The following ABHD17C variants were observed in gnomAD, a reference collection of about 807,000 sequenced individuals.
ABHD17C encodes abhydrolase domain containing 17C, depalmitoylase.
In ABHD17C, 11 loss-of-function variants were observed where a neutral mutation model predicts 27.9. The observed-to-expected ratio is 0.39, with a 90% confidence interval of 0.25 to 0.65. ABHD17C has a LOEUF of 0.65. ABHD17C is among the 30% of genes least tolerant of loss of function. The pLI is 0.45. For missense variants in ABHD17C, 280 were observed against 470.2 expected (o/e 0.60, Z 3.74); for synonymous variants, 233 against 209.1 (o/e 1.11, Z -0.98).
intron 1 of ABHD17C, chr15:80,704,559 T>TA (rs1894616640): frequency 6.9e-6 from 1 of 145,058 alleles, no homozygotes; most frequent in Admixed American, 6.9e-5. Flanking sequence ...AATAAATACA[T>TA]ACGGCAAAAA....
chr15:80,695,507 G>C lies in ABHD17C; in HGVS notation c.78G>C (p.Pro26=), dbSNP rs1334892155. The C allele has an allele frequency of 7.2e-7, 1 of 1,383,998 alleles. No homozygotes were observed. Among genetic ancestry groups the C allele is most frequent in the African/African-American group, 1.5e-5 (1 of 65,202 alleles). The allele number at this position is 1,383,998 out of a possible 1,614,324, so 85.7% of individuals were successfully genotyped here. ...GGCTCTTCTGCTGCCCGCCCTGCCC[G>C]AGCCGCATCGCCGCCAAGCTGGCCT... ...LCWLFCCPPC[P]SRIAAKLAFL... is the part of the protein sequence containing the mutation. The change falls in exon 1 of 3, where the codon CCG becomes CCC. Residue 26 remains proline, a synonymous_variant. Coordinates refer to ENST00000258884, the MANE Select transcript of ABHD17C (RefSeq NM_021214.2). The surrounding 1 kb of genome is among the most constrained non-coding windows in gnomAD (Gnocchi z 4.3).
chr15:80,709,848 G>A (rs1330470286), intron 1 of ABHD17C, among the ~76,000 whole-genome samples: 1 of 152,096 alleles, frequency 6.6e-6, no homozygotes. Context: ...ATATCCTGTT[G>A]GATCTGCCTG....
intron 1 of ABHD17C, among the ~76,000 whole-genome samples, chr15:80,744,324 C>T (rs1248729084): frequency 6.6e-6 from 1 of 152,154 alleles, no homozygotes; most frequent in Admixed American, 6.5e-5. Context: ...CATTTTGGAA[C>T]CATTGGCATA....
chr15:80,697,118 C>T (rs971483317), intron 1 of ABHD17C, among the ~76,000 whole-genome samples: 2 of 152,038 alleles, frequency 1.3e-5, no homozygotes, highest in East Asian at 1.9e-4. Flanking sequence ...TTCGTACTCA[C>T]GCATATGTTC....
At chr15:80,724,338 G>A (rs567374196) in intron 1 of ABHD17C, among the ~76,000 whole-genome samples, 13 of 151,832 alleles carry the variant, frequency 8.6e-5, no homozygotes, top group Middle Eastern at 6.8e-3. Context: ...CTCCTTCCCC[G>A]TCCCCTCCAA....
chr15:80,713,636 C>T (rs1390137325), intron 1 of ABHD17C, among the ~76,000 whole-genome samples: 6 of 151,780 alleles, frequency 4.0e-5, no homozygotes, highest in Admixed American at 1.3e-4. Context: ...AGTGAAACTC[C>T]GTCTCTACTA....
Position 80,718,401 on chromosome 15 carries a change from C to T in ABHD17C, c.590+22382C>T, listed in dbSNP as rs576929470. On this transcript the variant is annotated intron_variant, in intron 1 of 2. Transcript: ENST00000258884. ...AGGCTGGAGCACAGTAGCACAATCT[C>T]GGCTCACTGCAGCCTTTGCTTCCCG... 1.5e-3 allele frequency among the ~76,000 whole-genome samples: 226 copies of T among 152,192 alleles called. 1 individual carries two copies. Among genetic ancestry groups the T allele is most frequent in the Non-Finnish European group, 2.8e-3 (190 of 68,000 alleles).
chr15:80,707,638 C>T (rs772261568), intron 1 of ABHD17C, among the ~76,000 whole-genome samples: 2 of 151,854 alleles, frequency 1.3e-5, no homozygotes, highest in Non-Finnish European at 1.5e-5. Flanking sequence ...TGGGCCACAC[C>T]ATCCAAAGCC....
At chr15:80,719,796 C>T (rs893553308) in intron 1 of ABHD17C, among the ~76,000 whole-genome samples, 3 of 152,044 alleles carry the variant, frequency 2.0e-5, no homozygotes, top group Non-Finnish European at 4.4e-5. Flanking sequence ...TTTGTGATCA[C>T]CTTTTCTTTT....
rs572299388 is a variant in ABHD17C, at chr15:80,722,530, G to A, written c.590+26511G>A. ...CATAAACTTATCCATCACTCCAGAA[G>A]TTTTCTCTTGCCCACCCTTTTTTTT... On this transcript the variant is annotated intron_variant, in intron 1 of 2. Transcript: ENST00000258884. 5.3e-5 allele frequency among the ~76,000 whole-genome samples: 8 copies of A among 151,216 alleles called. No homozygotes were observed. The South Asian group carries it at 1.7e-3, about 32-fold the overall frequency.
intron 1 of ABHD17C, among the ~76,000 whole-genome samples, chr15:80,709,446 G>T (rs544875605): frequency 6.7e-6 from 1 of 149,952 alleles, no homozygotes; most frequent in East Asian, 2.0e-4. Context: ...CTGGGATTAC[G>T]CCACTGCACT....
At chr15:80,748,544 G>C (rs35197256) in intron 1 of ABHD17C, among the ~76,000 whole-genome samples, 1 of 151,958 alleles carries the variant, frequency 6.6e-6, no homozygotes, top group Non-Finnish European at 1.5e-5. Flanking sequence ...TTCTATGTGT[G>C]TATTAGACAT....
At chr15:80,717,497 G>T (rs760597431) in intron 1 of ABHD17C, among the ~76,000 whole-genome samples, 1 of 151,612 alleles carries the variant, frequency 6.6e-6, no homozygotes, top group Non-Finnish European at 1.5e-5. Context: ...AGTTTCAAGC[G>T]ATTCTCATGC....
intron 1 of ABHD17C, among the ~76,000 whole-genome samples, chr15:80,697,195 A>G (rs1477055545): frequency 6.6e-6 from 1 of 152,024 alleles, no homozygotes; most frequent in Non-Finnish European, 1.5e-5. Context: ...TATTTGCTCT[A>G]TGTTGCATGT....
At chr15:80,735,407 A>G (rs1895116024) in intron 1 of ABHD17C, among the ~76,000 whole-genome samples, 2 of 152,132 alleles carry the variant, frequency 1.3e-5, no homozygotes, top group Non-Finnish European at 2.9e-5. Context: ...TCTACCTGCT[A>G]CATGCATGTG....
At position 80,737,051 on chromosome 15, in the gene ABHD17C, G is replaced by A. The variant is rs61318756; in HGVS notation, c.591-12462G>A. 7.6e-4 allele frequency among the ~76,000 whole-genome samples: 116 copies of A among 152,192 alleles called. 1 individual carries two copies. The highest frequency in any genetic ancestry group is 2.6e-3 in the African/African-American group (110 of 41,518). On this transcript the variant is annotated intron_variant, in intron 1 of 2. Coordinates refer to ENST00000258884, the MANE Select transcript of ABHD17C (RefSeq NM_021214.2). The stretch of plus-strand genomic sequence containing the variant: ...TGTCCCATTCCCATATGCTGAGTGG[G>A]AATGGAAACCCAAATTCGTGCTGAT...
At chr15:80,707,528 C>G (rs2141493065) in intron 1 of ABHD17C, among the ~76,000 whole-genome samples, 1 of 151,458 alleles carries the variant, frequency 6.6e-6, no homozygotes, top group Non-Finnish European at 1.5e-5. Context: ...TTGGGCCACA[C>G]ATGAAATATA....
chr15:80,712,827 C>T (rs1250882456), intron 1 of ABHD17C, among the ~76,000 whole-genome samples: 3 of 152,126 alleles, frequency 2.0e-5, no homozygotes. Flanking sequence ...TTACTGACTG[C>T]CTATCAGCTT....
At chr15:80,709,036 G>A (rs78367488) in intron 1 of ABHD17C, among the ~76,000 whole-genome samples, 5,324 of 152,156 alleles carry the variant, frequency 0.035, 315 homozygotes, top group African/African-American at 0.12. Flanking sequence ...AAGTTTCTGC[G>A]AATCTCCTTT....
Sources: gnomAD v4.1 joint callset for allele counts (sites outside exome capture counted in the v4.1 genomes callset) on GRCh38, gnomAD v4.1.1 for gene constraint, Gnocchi (gnomAD v3.1) non-coding constraint, MANE v1.5 for transcripts, NCBI Gene and HGNC (gene_info 2026-07-23, HGNC 2026-07-21) for gene names.